Variants in TLR3 observed in about 807,000 individuals in gnomAD.
The protein encoded by TLR3 is toll-like receptor 3.
In TLR3, 43 loss-of-function variants were observed where a neutral mutation model predicts 66.4. The ratio of observed to expected loss-of-function variants is 0.65; its 90% CI spans 0.51 to 0.83. The LOEUF is 0.83. Among genes scored for constraint, TLR3 ranks in the 40% least tolerant of loss-of-function variants. The probability of loss-of-function intolerance (pLI) is 0.00; values close to 1 mark genes in which losing one functional copy is unlikely to be tolerated. For synonymous variants in TLR3, 397 were observed against 397.2 expected, an observed-to-expected ratio of 1.00 and a Z score of 0.01; for missense variants, 982 against 1,044.6, an observed-to-expected ratio of 0.94 and a Z score of 0.83.
chr4:186,076,288 G>A (rs543997197), intron 1 of TLR3, among the ~76,000 whole-genome samples: 10 of 152,142 alleles, frequency 6.6e-5, no homozygotes, highest in African/African-American at 2.2e-4. Context: ...AGAAATAGAA[G>A]ATCAAGAATA....
At position 186,085,070 on chromosome 4, in the gene TLR3, T is replaced by C. The variant is rs2099304146; in HGVS notation, c.*197T>C. ...CTATTTTTGACAATTGACTTAATTTTACCCAAAATAAAACATATAAGCACG... is the reference window on the plus strand; with the variant it reads ...CTATTTTTGACAATTGACTTAATTTCACCCAAAATAAAACATATAAGCACG... On this transcript the variant is annotated 3_prime_UTR_variant, in exon 5 of 5. Transcript: ENST00000296795. 1 of 599,194 alleles carries C rather than the reference T, an allele frequency of 1.7e-6. No homozygotes were observed. The highest frequency in any genetic ancestry group is 3.0e-5 in the Admixed American group (1 of 33,472). 37.1% of individuals were successfully genotyped at this position (599,194 alleles called of 1,614,324 possible).
chr4:186,076,573 A>ATTAATGTTGCTCATACTTT (rs749913753), intron 1 of TLR3, 40 bp from the exon 2 acceptor site: 1 of 1,591,434 alleles, frequency 6.3e-7, no homozygotes, highest in South Asian at 1.1e-5. Context: ...GCCATCTGCT[A>ATTAATGTTGCTCATACTTT]TTAATGTTGC....
At chr4:186,081,897 A>G (rs1579730165) in intron 3 of TLR3, 1 of 194,452 alleles carries the variant, frequency 5.1e-6, no homozygotes, top group East Asian at 1.4e-4. Flanking sequence ...TGCTCTGCCC[A>G]TGGGATGTGG....
In TLR3 at chr4:186,083,329, A is replaced by G. The variant is rs1011526105; in HGVS notation, c.1643A>G (p.His548Arg). Residue 548 changes from histidine to arginine, a missense_variant, in exon 4 of 5, where the codon CAC becomes CGC. By Grantham distance (29) the His-to-Arg change is conservative. Coordinates refer to ENST00000296795, the MANE Select transcript of TLR3 (RefSeq NM_003265.3). This position sits in a 1 kb window ranked among gnomAD's most constrained non-coding sequence, Gnocchi z 4.0. ...AACAACTTAGCACGGCTCTGGAAAC[A>G]CGCAAACCCTGGTGGTCCCATTTAT... ...QHNNLARLWK[H>R]ANPGGPIYFL... is the part of the protein sequence containing the mutation. The G allele has an allele frequency of 6.2e-7, 1 of 1,614,188 alleles. No individual in the cohort carries two copies. Among genetic ancestry groups the G allele is most frequent in the Middle Eastern group, 1.6e-4 (1 of 6,062 alleles).
Position 186,076,892 on chromosome 4 carries a change from G to A in TLR3, c.273G>A (p.Glu91=). 1 of 1,614,172 alleles carries A rather than the reference G, an allele frequency of 6.2e-7. No homozygotes were observed. Among genetic ancestry groups the A allele is most frequent in the Non-Finnish European group, 8.5e-7 (1 of 1,180,042 alleles). ...DVGFNTISKL[E]PELCQKLPML... is the part of the protein sequence containing the mutation. ...GATTTAACACCATCTCAAAACTGGA[G>A]CCAGAATTGTGCCAGAAACTTCCCA... Residue 91 remains glutamate (E), a synonymous_variant, in exon 2 of 5, where the codon GAG becomes GAA. Transcript: ENST00000296795.
intron 1 of TLR3, 127 bp downstream of exon 1, chr4:186,069,375 G>A (rs894458865): frequency 1.3e-5 from 2 of 152,178 alleles, no homozygotes; most frequent in African/African-American, 4.8e-5. Context: ...TTGAAATCTA[G>A]TCAGAATTAT....
chr4:186,076,693 C>G lies in TLR3; in HGVS notation c.74C>G (p.Thr25Ser). Residue 25 changes from threonine to serine, a missense_variant, in exon 2 of 5, where the codon ACC becomes AGC. Physicochemically the swap from Thr to Ser is moderately conservative, Grantham distance 58 (BLOSUM62 1). This residue lies in a region of TLR3 where 313 missense variants were observed against 319.0 expected (regional missense o/e 0.98). Coordinates refer to ENST00000296795, the MANE Select transcript of TLR3 (RefSeq NM_003265.3). ...TTTGGGATGCTGTGTGCATCCTCCA[C>G]CACCAAGTGCACTGTTAGCCATGAA... is the stretch of plus-strand genomic sequence containing the variant. Reference protein sequence around the residue: ...LPFGMLCASSTTKCTVSHEVA... With the variant: ...LPFGMLCASSSTKCTVSHEVA... The G allele has an allele frequency of 6.2e-7, 1 of 1,614,186 alleles. No individual in the cohort carries two copies. Among genetic ancestry groups the G allele is most frequent in the Non-Finnish European group, 8.5e-7 (1 of 1,180,040 alleles).
Position 186,084,153 on chromosome 4 carries a change from A to G in TLR3, c.2467A>G (p.Lys823Glu), listed in dbSNP as rs777277513. The G allele has an allele frequency of 5.6e-6, 9 of 1,613,898 alleles. No homozygotes were observed. Among genetic ancestry groups the G allele is most frequent in the Non-Finnish European group, 7.6e-6 (9 of 1,179,992 alleles). ...TTTTGTTATAACACACCATCTATTAAAAGACCCATTATGCAAAAGGTAGGT... is the reference window on the plus strand; with the variant it reads ...TTTTGTTATAACACACCATCTATTAGAAGACCCATTATGCAAAAGGTAGGT... ...IIFVITHHLL[K>E]DPLCKRFKVH... is the part of the protein sequence containing the mutation. The change falls in exon 4 of 5, where the codon AAA becomes GAA. Residue 823 changes from lysine (K) to glutamate (E), a missense_variant. Coordinates refer to ENST00000296795, the MANE Select transcript of TLR3 (RefSeq NM_003265.3).
chr4:186,087,537 C>T lies in TLR3; in HGVS notation c.*2664C>T, dbSNP rs779174044. On this transcript the variant is annotated 3_prime_UTR_variant, in exon 5 of 5. Transcript: ENST00000296795. ...TGTAATCTGTCCACTCCAACTTCTT[C>T]CTGTTTTTCACATTGCAAAACAAAA... The T allele has an allele frequency of 3.9e-5, 6 of 152,208 alleles. No individual in the cohort carries two copies. The highest frequency in any genetic ancestry group is 2.6e-4 in the Admixed American group (4 of 15,280). 9.4% of individuals were successfully genotyped at this position (152,208 alleles called of 1,614,324 possible).
At position 186,082,901 on chromosome 4, in the gene TLR3, T is replaced by C. The variant is rs769733968; in HGVS notation, c.1215T>C (p.Ala405=). 1.2e-6 allele frequency: 2 copies of C among 1,614,054 alleles called. No individual in the cohort carries two copies. The highest frequency in any genetic ancestry group is 2.2e-5 in the East Asian group (1 of 44,884). Residue 405 remains alanine (A), a synonymous_variant, in exon 4 of 5, where the codon GCT becomes GCC. Transcript: ENST00000296795. ...CAAATGAAACATTTGTATCACTTGC[T>C]CATTCTCCCTTACACATACTCAACC... is the stretch of plus-strand genomic sequence containing the variant. ...TLTNETFVSL[A]HSPLHILNLT...
chr4:186,077,832 G>GAA lies in TLR3; in HGVS notation c.441+782_441+783dup, dbSNP rs11364853. 7.4e-5 allele frequency among the ~76,000 whole-genome samples: 11 copies of GAA among 149,392 alleles called. 1 individual carries two copies. The highest frequency in any genetic ancestry group is 2.5e-4 in the African/African-American group (10 of 40,792). The stretch of plus-strand genomic sequence containing the variant: ...CACCCTACAATGCTTTAGAGCACCA[G>GAA]AAAAAAAAAAACGCATGTTATTGTT... On this transcript the variant is annotated intron_variant, in intron 2 of 4. Transcript: ENST00000296795.
At chr4:186,082,223 T>TAAAAAAAA (rs1322388654) in intron 3 of TLR3, 97 bp from the exon 4 acceptor site, 1 of 502,906 alleles carries the variant, frequency 2.0e-6, no homozygotes, top group Non-Finnish European at 2.9e-6. Context: ...AGACTCCGTC[T>TAAAAAAAA]CAAAAAAAAA....
At chr4:186,073,252 G>A (rs544389228) in intron 1 of TLR3, among the ~76,000 whole-genome samples, 1 of 152,260 alleles carries the variant, frequency 6.6e-6, no homozygotes, top group East Asian at 1.9e-4. Context: ...AGGCGTGGTG[G>A]CTCACCCCTA....
chr4:186,082,519 T>A lies in TLR3; in HGVS notation c.833T>A (p.Met278Lys). 1 of 1,614,226 alleles carries A rather than the reference T, an allele frequency of 6.2e-7. No homozygotes were observed. The highest frequency in any genetic ancestry group is 8.5e-7 in the Non-Finnish European group (1 of 1,180,034). Residue 278 changes from methionine (M) to lysine (K), a missense_variant, in exon 4 of 5, where the codon ATG becomes AAG. This residue lies in a region of TLR3 where 313 missense variants were observed against 319.0 expected (regional missense o/e 0.98). Coordinates refer to ENST00000296795, the MANE Select transcript of TLR3 (RefSeq NM_003265.3). ...GGACTAAAGTGGACAAATCTCACTA[T>A]GCTCGATCTTTCCTACAACAACTTA... is the stretch of plus-strand genomic sequence containing the variant. ...FLGLKWTNLTMLDLSYNNLNV... is the reference protein window; with the variant it reads ...FLGLKWTNLTKLDLSYNNLNV...
Position 186,086,563 on chromosome 4 carries a change from G to A in TLR3, c.*1690G>A, listed in dbSNP as rs2150068733. 1 of 152,222 alleles carries A rather than the reference G, an allele frequency of 6.6e-6. No individual in the cohort carries two copies. The highest frequency in any genetic ancestry group is 2.1e-4 in the South Asian group (1 of 4,824). The allele number at this position is 152,222 out of a possible 1,614,324, so 9.4% of individuals were successfully genotyped here. ...TGAGACACTGCTTTTCAGCATTTTA[G>A]TTAAGATTTGCTTTTTAACTGTGCA... On this transcript the variant is annotated 3_prime_UTR_variant, in exon 5 of 5. Transcript: ENST00000296795.
chr4:186,082,287 G>A (rs761230212), intron 3 of TLR3, 33 bp from the exon 4 acceptor site: 7 of 1,149,044 alleles, frequency 6.1e-6, no homozygotes, highest in Middle Eastern at 2.2e-4. Context: ...GTGTTCTTTT[G>A]ATTGTTAACC....
intron 3 of TLR3, among the ~76,000 whole-genome samples, chr4:186,080,341 G>A (rs2099303221): frequency 6.6e-6 from 1 of 151,790 alleles, no homozygotes; most frequent in South Asian, 2.1e-4. Context: ...GAATAAATGA[G>A]AAAATAATAA....
Position 186,084,787 on chromosome 4 carries a change from T to C in TLR3, c.2629T>C (p.Leu877=), listed in dbSNP as rs2099304101. The change falls in exon 5 of 5, where the codon TTG becomes CTG. Residue 877 remains leucine (L), a synonymous_variant. Transcript: ENST00000296795. ...AGGAATGTTTAAATCTCACTGCATC[T>C]TGAACTGGCCAGTTCAGAAAGAACG... is the stretch of plus-strand genomic sequence containing the variant. The part of the protein sequence containing the change: ...RRGMFKSHCI[L]NWPVQKERIG... The C allele has an allele frequency of 6.2e-7, 1 of 1,614,034 alleles. No homozygotes were observed. The highest frequency in any genetic ancestry group is 1.1e-5 in the South Asian group (1 of 91,078).
chr4:186,083,396 G>A lies in TLR3; in HGVS notation c.1710G>A (p.Glu570=). The A allele has an allele frequency of 1.2e-6, 2 of 1,614,154 alleles. No individual in the cohort carries two copies. Among genetic ancestry groups the A allele is most frequent in the Non-Finnish European group, 1.7e-6 (2 of 1,180,034 alleles). The change falls in exon 4 of 5, where the codon GAG becomes GAA. Residue 570 remains glutamate, a synonymous_variant. Transcript: ENST00000296795. This position sits in a 1 kb window ranked among gnomAD's most constrained non-coding sequence, Gnocchi z 4.0. The part of the protein sequence containing the change: ...GLSHLHILNL[E]SNGFDEIPVE... Reference sequence around the variant, plus strand: ...CTCACCTCCACATCCTTAACTTGGAGTCCAACGGCTTTGACGAGATCCCAG... The same window carrying A: ...CTCACCTCCACATCCTTAACTTGGAATCCAACGGCTTTGACGAGATCCCAG...
Sources: gnomAD v4.1 joint callset for allele counts (sites outside exome capture counted in the v4.1 genomes callset) on GRCh38, gnomAD v4.1.1 for gene constraint, gnomAD v4.1.1 regional missense constraint, Gnocchi (gnomAD v3.1) non-coding constraint, MANE v1.5 for transcripts, NCBI Gene and HGNC (gene_info 2026-07-23, HGNC 2026-07-21) for gene names.